THADA: variants seen among roughly 807,000 people sequenced by gnomAD.
THADA encodes the protein THADA armadillo repeat containing.
Under a neutral mutation model 219.8 loss-of-function variants are expected in THADA, and 213 were observed. The observed-to-expected ratio is 0.97, with a 90% CI of 0.87 to 1.09. The LOEUF (loss-of-function observed/expected upper bound fraction) is 1.09, where lower values mean the gene tolerates loss of function less well. THADA is among the 50% of genes least tolerant of loss of function. THADA has a pLI of 0.00. For missense variants in THADA, 2,956 were observed against 2,311.3 expected (o/e 1.28, Z -5.72); for synonymous variants, 1,018 against 828.9 (o/e 1.23, Z -3.92).
At chr2:43,441,971 CT>C (rs1680895557) in intron 26 of THADA, among the ~76,000 whole-genome samples, 1 of 152,176 alleles carries the variant, frequency 6.6e-6, no homozygotes, top group South Asian at 2.1e-4. Context: ...AGAGTCAGTG[CT>C]CTTGGAGCTT....
chr2:43,383,742 G>C (rs1228470131), intron 29 of THADA, among the ~76,000 whole-genome samples: 5 of 152,060 alleles, frequency 3.3e-5, no homozygotes, highest in African/African-American at 7.2e-5. Flanking sequence ...TGAGTGACAA[G>C]GTTCTCTAAA....
chr2:43,529,734 T>C (rs1385718131), intron 21 of THADA, among the ~76,000 whole-genome samples: 1 of 152,198 alleles, frequency 6.6e-6, no homozygotes, highest in Non-Finnish European at 1.5e-5. Context: ...AGACAAGTTG[T>C]CCCAAGATAT....
chr2:43,296,342 A>G (rs1675382433), intron 31 of THADA, among the ~76,000 whole-genome samples: 1 of 150,082 alleles, frequency 6.7e-6, no homozygotes, highest in Admixed American at 6.6e-5. Context: ...GTGGCACAAT[A>G]TTGGCTCACT....
chr2:43,391,174 C>A (rs1379057989), intron 29 of THADA, among the ~76,000 whole-genome samples: 1 of 152,174 alleles, frequency 6.6e-6, no homozygotes, highest in Non-Finnish European at 1.5e-5. Flanking sequence ...ATCACATACA[C>A]ACACACTCTA....
At chr2:43,373,627 C>T (rs1165518044) in intron 29 of THADA, among the ~76,000 whole-genome samples, 2 of 152,106 alleles carry the variant, frequency 1.3e-5, no homozygotes, top group Admixed American at 1.3e-4. Context: ...CAGGTGCACA[C>T]CATCAGGCCT....
intron 5 of THADA, 25 bp from the exon 6 acceptor site, chr2:43,586,759 G>C: frequency 6.2e-7 from 1 of 1,611,758 alleles, no homozygotes; most frequent in Non-Finnish European, 8.5e-7. Flanking sequence ...ATGAACACTG[G>C]TAAGGAGTTT....
chr2:43,502,874 A>C (rs977949711), intron 24 of THADA, among the ~76,000 whole-genome samples: 2 of 152,162 alleles, frequency 1.3e-5, no homozygotes, highest in Non-Finnish European at 2.9e-5. Context: ...CAACTCCTAC[A>C]AAACAAAAAT....
intron 29 of THADA, chr2:43,391,824 ACT>A (rs1279547923): frequency 1.3e-5 from 2 of 152,170 alleles, no homozygotes; most frequent in Non-Finnish European, 2.9e-5. Flanking sequence ...CACTGGAGAA[ACT>A]CTGCCTTAAC....
At chr2:43,415,399 T>C (rs932332593) in intron 28 of THADA, among the ~76,000 whole-genome samples, 1 of 152,108 alleles carries the variant, frequency 6.6e-6, no homozygotes, top group African/African-American at 2.4e-5. Context: ...GCCCTTCCAG[T>C]GGCATCATTC....
chr2:43,467,181 C>CAA (rs70963399), intron 26 of THADA, among the ~76,000 whole-genome samples: 2,463 of 56,376 alleles, frequency 0.044, 172 homozygotes, highest in Non-Finnish European at 0.058. Flanking sequence ...GACTCCGTCT[C>CAA]AAAAAAAAAA....
chr2:43,395,842 CTG>C (rs1226545048), intron 29 of THADA, among the ~76,000 whole-genome samples: 1 of 152,200 alleles, frequency 6.6e-6, no homozygotes, highest in Non-Finnish European at 1.5e-5. Context: ...ACCTCTGCCT[CTG>C]GGGTTCAAGC....
intron 26 of THADA, among the ~76,000 whole-genome samples, chr2:43,439,682 T>C (rs542738088): frequency 8.9e-4 from 135 of 152,344 alleles, no homozygotes; most frequent in African/African-American, 3.1e-3. Flanking sequence ...TATCTAAACT[T>C]CATCACAGCT....
intron 31 of THADA, among the ~76,000 whole-genome samples, chr2:43,299,019 G>A (rs1175868151): frequency 6.6e-6 from 1 of 152,094 alleles, no homozygotes; most frequent in Non-Finnish European, 1.5e-5. Flanking sequence ...TTCCACACCT[G>A]ACCTAATGCA....
rs1023479051 is a variant in THADA, at chr2:43,231,264, T to C, written c.5546A>G (p.Lys1849Arg). ...CTTTGAGAGGAGACAGAAGAGGTGCTTGCAGAGGTATTTCACAAAGATCAG... is the reference window on the plus strand; with the variant it reads ...CTTTGAGAGGAGACAGAAGAGGTGCCTGCAGAGGTATTTCACAAAGATCAG... The part of the protein sequence containing the change: ...ETLIFVKYLC[K>R]HLFCLLSKSG... Residue 1849 changes from lysine to arginine, a missense_variant, in exon 38 of 38, where the codon AAG becomes AGG. Lys to Arg is a conservative substitution (Grantham distance 26, BLOSUM62 2). Transcript: ENST00000405975. 3.1e-6 allele frequency: 5 copies of C among 1,609,514 alleles called. No homozygotes were observed. The highest frequency in any genetic ancestry group is 4.2e-6 in the Non-Finnish European group (5 of 1,178,508).
chr2:43,455,504 G>GCTCT (rs371767650), intron 26 of THADA, among the ~76,000 whole-genome samples: 13 of 149,576 alleles, frequency 8.7e-5, no homozygotes, highest in African/African-American at 3.2e-4. Flanking sequence ...ACGTGCTCTC[G>GCTCT]CTCTCTCTCT....
At position 43,299,829 on chromosome 2, in the gene THADA, C is replaced by T. The variant is rs538748304; in HGVS notation, c.4439-6616G>A. 8.6e-5 allele frequency among the ~76,000 whole-genome samples: 13 copies of T among 150,882 alleles called. No individual in the cohort carries two copies. In the South Asian group the frequency reaches 2.8e-3, roughly 32 times the overall value. On this transcript the variant is annotated intron_variant, in intron 31 of 37. Transcript: ENST00000405975. ...ATCACCCAAGGTCAGGAGCTTGAGA[C>T]CAGCCTGACCAACATGGCGAAACCC...
At chr2:43,569,553 T>C (rs975119730) in intron 14 of THADA, among the ~76,000 whole-genome samples, 1 of 152,222 alleles carries the variant, frequency 6.6e-6, no homozygotes. Context: ...AGGTCGAAGC[T>C]AATTTTACCC....
intron 19 of THADA, among the ~76,000 whole-genome samples, chr2:43,549,805 T>C (rs1234623889): frequency 1.3e-5 from 2 of 151,878 alleles, no homozygotes; most frequent in African/African-American, 2.4e-5. Context: ...ATTTAAAATA[T>C]AAATAAATAT....
At chr2:43,358,521 C>A (rs1320111677) in intron 29 of THADA, among the ~76,000 whole-genome samples, 1 of 152,186 alleles carries the variant, frequency 6.6e-6, no homozygotes, top group Non-Finnish European at 1.5e-5. Flanking sequence ...AACTGTATCT[C>A]TAATGTTGCC....
Sources: allele counts gnomAD v4.1 joint callset (sites outside exome capture counted in the v4.1 genomes callset), GRCh38; gene constraint gnomAD v4.1.1; transcripts MANE v1.5; gene names NCBI Gene and HGNC (gene_info 2026-07-23, HGNC 2026-07-21).